SPMAP2: variants seen among roughly 807,000 people sequenced by gnomAD.
SPMAP2 encodes Theg homolog.
chr19:366,264 C>T, the SPMAP2 span, among the ~76,000 whole-genome samples: 1 of 152,078 alleles, frequency 6.6e-6, no homozygotes, highest in African/African-American at 2.4e-5. Flanking sequence ...TTTATATGTA[C>T]ATTTGAAACA....
At chr19:368,108 G>T in the SPMAP2 span, among the ~76,000 whole-genome samples, 1,138 of 152,148 alleles carry the variant, frequency 7.5e-3, 14 homozygotes, top group African/African-American at 0.026. The surrounding 1 kb of genome is among the most constrained non-coding windows in gnomAD (Gnocchi z 4.1). Context: ...GCAGCCCTTT[G>T]GGGGGTCGAG....
At chr19:364,219 C>A in the SPMAP2 span, among the ~76,000 whole-genome samples, 2 of 150,690 alleles carry the variant, frequency 1.3e-5, no homozygotes, top group African/African-American at 2.4e-5. Flanking sequence ...TGCCTGTAGT[C>A]CCAGCTACTC....
chr19:374,166 T>G, the SPMAP2 span: 1 of 1,497,988 alleles, frequency 6.7e-7, no homozygotes, highest in Non-Finnish European at 9.1e-7. Flanking sequence ...CAACCCCACC[T>G]ACCCTAAGTT....
At chr19:362,583 C>G in the SPMAP2 span, among the ~76,000 whole-genome samples, 1 of 151,900 alleles carries the variant, frequency 6.6e-6, no homozygotes, top group Non-Finnish European at 1.5e-5. Context: ...GCCTGGCCAA[C>G]ATGATGAAAC....
At chr19:371,846 A>G in the SPMAP2 span, among the ~76,000 whole-genome samples, 11 of 152,208 alleles carry the variant, frequency 7.2e-5, no homozygotes, top group Admixed American at 7.2e-4. Context: ...CATTTCATTG[A>G]TTCTAAGGCA....
chr19:373,811 C>T, the SPMAP2 span: 13 of 908,860 alleles, frequency 1.4e-5, no homozygotes, highest in South Asian at 1.4e-4. Flanking sequence ...GGTGGAGAGC[C>T]CCACATCTGA....
the SPMAP2 span, chr19:373,605 T>TGCCAGGAGGGTGGCGAGGTG: frequency 2.4e-5 from 35 of 1,468,970 alleles, no homozygotes; most frequent in Non-Finnish European, 5.6e-6. Context: ...CCTGGGTCTC[T>TGCCAGGAGGGTGGCGAGGTG]GCCAGGAGGG....
the SPMAP2 span, chr19:375,541 G>T: frequency 9.1e-7 from 1 of 1,104,610 alleles, no homozygotes; most frequent in Non-Finnish European, 1.3e-6. Flanking sequence ...CGGGAGCAGC[G>T]AGCCAGGCCG....
chr19:364,197 C>G, the SPMAP2 span, among the ~76,000 whole-genome samples: 2 of 149,934 alleles, frequency 1.3e-5, no homozygotes, highest in Admixed American at 6.6e-5. Flanking sequence ...ATTAGCCGGG[C>G]GTGGTGGCGG....
At chr19:372,485 C>T in the SPMAP2 span, 14 of 751,348 alleles carry the variant, frequency 1.9e-5, no homozygotes, top group African/African-American at 7.0e-5. Flanking sequence ...GGGATGTGGG[C>T]TGGGAAGCAG....
the SPMAP2 span, chr19:374,365 C>T: frequency 6.2e-7 from 1 of 1,614,146 alleles, no homozygotes; most frequent in Non-Finnish European, 8.5e-7. Context: ...CCGCCTCCTC[C>T]TCTTCCTTGC....
At chr19:374,354 T>G in the SPMAP2 span, 2 of 1,614,128 alleles carry the variant, frequency 1.2e-6, no homozygotes, top group Non-Finnish European at 1.7e-6. Context: ...ATGAGCCTCC[T>G]CCGCCTCCTC....
At chr19:362,090 A>G in the SPMAP2 span, 1 of 710,268 alleles carries the variant, frequency 1.4e-6, no homozygotes, top group Non-Finnish European at 2.2e-6. Context: ...TGTCCTCCTC[A>G]TCCTTCTTTT....
At chr19:375,847 C>A in the SPMAP2 span, 3 of 1,601,980 alleles carry the variant, frequency 1.9e-6, no homozygotes, top group Admixed American at 5.1e-5. Context: ...GGGTCTGTGA[C>A]CCGCCGGCTC....
At chr19:364,027 G>T in the SPMAP2 span, among the ~76,000 whole-genome samples, 1 of 151,858 alleles carries the variant, frequency 6.6e-6, no homozygotes. Flanking sequence ...TTAAAACAGG[G>T]TGAATTACAA....
the SPMAP2 span, chr19:373,405 G>T: frequency 6.6e-7 from 1 of 1,504,980 alleles, no homozygotes; most frequent in African/African-American, 1.4e-5. Flanking sequence ...TAGATGGGGC[G>T]GGGCAGGTTC....
At chr19:363,898 C>G in the SPMAP2 span, among the ~76,000 whole-genome samples, 2 of 152,022 alleles carry the variant, frequency 1.3e-5, no homozygotes, top group African/African-American at 4.8e-5. Flanking sequence ...CGATCTTTAG[C>G]TCACTGCAGC....
the SPMAP2 span, chr19:374,038 A>G: frequency 1.3e-5 from 21 of 1,608,398 alleles, no homozygotes; most frequent in Non-Finnish European, 1.7e-5. Flanking sequence ...TCCGAGCCCC[A>G]CTGCCTCTTG....
At chr19:366,461 T>A in the SPMAP2 span, among the ~76,000 whole-genome samples, 1 of 152,184 alleles carries the variant, frequency 6.6e-6, no homozygotes, top group Non-Finnish European at 1.5e-5. Flanking sequence ...CCTCATCTGT[T>A]TCCATTCATT....
Sources: gnomAD v4.1 joint callset for allele counts (sites outside exome capture counted in the v4.1 genomes callset) on GRCh38, gnomAD v4.1.1 for gene constraint, Gnocchi (gnomAD v3.1) non-coding constraint, MANE v1.5 for transcripts, NCBI Gene and HGNC (gene_info 2026-07-23, HGNC 2026-07-21) for gene names.